Variants in TRPC6 observed in about 807,000 individuals in gnomAD.
TRPC6 encodes transient receptor potential cation channel subfamily C member 6.
Under a neutral mutation model 90.7 loss-of-function variants are expected in TRPC6, and 55 were observed. The ratio of observed to expected loss-of-function variants is 0.61; its 90% CI spans 0.49 to 0.76. The LOEUF is 0.76. TRPC6 is among the 30% of genes least tolerant of loss of function. The pLI, the probability that TRPC6 is intolerant of heterozygous loss-of-function variation, is 0.00. For synonymous variants in TRPC6, 393 were observed against 393.0 expected (o/e 1.00, Z 0.00); for missense variants, 989 against 1,122.7 (o/e 0.88, Z 1.70).
At chr11:101,543,521 G>C (rs1861224035) in intron 1 of TRPC6, among the ~76,000 whole-genome samples, 1 of 152,024 alleles carries the variant, frequency 6.6e-6, no homozygotes, top group Non-Finnish European at 1.5e-5. Context: ...TTTGGTACTG[G>C]TACCAAAACA....
intron 1 of TRPC6, among the ~76,000 whole-genome samples, chr11:101,511,746 C>T (rs1860398308): frequency 1.3e-5 from 2 of 152,178 alleles, no homozygotes; most frequent in African/African-American, 2.4e-5. Flanking sequence ...AATCCCAGCA[C>T]TCTGGGAGGC....
At chr11:101,461,928 C>A (rs1055016502) in intron 10 of TRPC6, among the ~76,000 whole-genome samples, 1 of 152,110 alleles carries the variant, frequency 6.6e-6, no homozygotes, top group African/African-American at 2.4e-5. Context: ...TACTTCCTAC[C>A]ATGTTCCTTG....
At chr11:101,494,457 C>T (rs956730551) in intron 2 of TRPC6, among the ~76,000 whole-genome samples, 2 of 152,030 alleles carry the variant, frequency 1.3e-5, no homozygotes, top group Non-Finnish European at 2.9e-5. Flanking sequence ...TTTATATCAT[C>T]AAAGAGAAGA....
chr11:101,553,967 T>C (rs1042622435), intron 1 of TRPC6, among the ~76,000 whole-genome samples: 1 of 152,140 alleles, frequency 6.6e-6, no homozygotes, highest in South Asian at 2.1e-4. Context: ...AAAATGTTTA[T>C]GTGAACACAT....
chr11:101,512,139 T>TA (rs1455746028), intron 1 of TRPC6, among the ~76,000 whole-genome samples: 2 of 152,186 alleles, frequency 1.3e-5, no homozygotes, highest in African/African-American at 4.8e-5. Flanking sequence ...GATAGTCTTC[T>TA]AGATAGCAAT....
rs910595035 is a variant in TRPC6, at chr11:101,478,612, A to G, written c.1511-2078T>C. 9.9e-5 allele frequency among the ~76,000 whole-genome samples: 15 copies of G among 152,190 alleles called. No individual in the cohort carries two copies. In the East Asian group the frequency reaches 2.3e-3, roughly 24 times the overall value. ...TGCTTGAAGGAAAAGTTCGTGTCTC[A>G]TTTGTCCTGAGGACCCCTGAGAGCT... On this transcript the variant is annotated intron_variant, in intron 5 of 12. Coordinates refer to ENST00000344327, the MANE Select transcript of TRPC6 (RefSeq NM_004621.6).
Position 101,504,132 on chromosome 11 carries a change from G to A in TRPC6, c.837C>T (p.Gly279=), listed in dbSNP as rs147530677. The A allele has an allele frequency of 6.8e-5, 110 of 1,613,908 alleles. 1 individual carries two copies. In the African/African-American group the frequency reaches 1.3e-3, roughly 20 times the overall value. The change falls in exon 2 of 13, where the codon GGC becomes GGT. Residue 279 remains glycine, a synonymous_variant. Transcript: ENST00000344327. The part of the protein sequence containing the change: ...HSRSRINAYK[G]LASPAYLSLS... ...ATGACAGGTAAGCCGGACTTGCCAG[G>A]CCTTTATAGGCATTAATCCTAGATC... is the stretch of plus-strand genomic sequence containing the variant.
rs560824831 is a variant in TRPC6, at chr11:101,521,301, G to T, written c.171-16503C>A. The stretch of plus-strand genomic sequence containing the variant: ...TCCAGCTCCAGCTGCGGCTGAAAGG[G>T]TCCCAGATATGTCTTAGGATGCTGC... On this transcript the variant is annotated intron_variant, in intron 1 of 12. Coordinates refer to ENST00000344327, the MANE Select transcript of TRPC6 (RefSeq NM_004621.6). 1.1e-3 allele frequency among the ~76,000 whole-genome samples: 174 copies of T among 152,272 alleles called. 2 individuals carry two copies. The highest frequency in any genetic ancestry group is 7.6e-4 in the Non-Finnish European group (52 of 68,026).
chr11:101,568,933 C>T (rs142853588), intron 1 of TRPC6, among the ~76,000 whole-genome samples: 64 of 152,202 alleles, frequency 4.2e-4, no homozygotes, highest in African/African-American at 1.4e-3. Flanking sequence ...AGGCCATCAA[C>T]GCTAAGAAGA....
At chr11:101,487,643 A>AT (rs397688733) in intron 4 of TRPC6, among the ~76,000 whole-genome samples, 1 of 151,940 alleles carries the variant, frequency 6.6e-6, no homozygotes, top group Non-Finnish European at 1.5e-5. Context: ...AGGGAAAAAA[A>AT]GTCAATTTTC....
chr11:101,571,287 A>G (rs1861958319), intron 1 of TRPC6, among the ~76,000 whole-genome samples: 2 of 152,208 alleles, frequency 1.3e-5, no homozygotes, highest in South Asian at 2.1e-4. Flanking sequence ...CAAAAAGAAT[A>G]AAATACCTAG....
intron 1 of TRPC6, among the ~76,000 whole-genome samples, chr11:101,554,556 A>T (rs532868095): frequency 1.3e-5 from 2 of 152,254 alleles, no homozygotes; most frequent in East Asian, 3.9e-4. Flanking sequence ...AGTGTGAGAC[A>T]CTGACCTCTA....
At chr11:101,490,241 G>C (rs937613703) in intron 3 of TRPC6, among the ~76,000 whole-genome samples, 2 of 152,024 alleles carry the variant, frequency 1.3e-5, no homozygotes, top group Non-Finnish European at 2.9e-5. Context: ...AAGTAACAAT[G>C]CAACCTTTAA....
At chr11:101,513,134 G>C (rs1470451994) in intron 1 of TRPC6, among the ~76,000 whole-genome samples, 1 of 152,186 alleles carries the variant, frequency 6.6e-6, no homozygotes, top group Admixed American at 6.5e-5. Context: ...GACCTTTTAT[G>C]AAGGGTGACA....
At chr11:101,493,234 AC>A (rs1453288711) in intron 2 of TRPC6, among the ~76,000 whole-genome samples, 2 of 152,156 alleles carry the variant, frequency 1.3e-5, no homozygotes, top group African/African-American at 4.8e-5. Flanking sequence ...ATACACTAAC[AC>A]TAATGATAGC....
intron 1 of TRPC6, among the ~76,000 whole-genome samples, chr11:101,513,761 T>C (rs1011502919): frequency 2.0e-5 from 3 of 152,204 alleles, no homozygotes; most frequent in African/African-American, 7.2e-5. Flanking sequence ...AAATTCTAAG[T>C]TGATGTTCAT....
intron 1 of TRPC6, among the ~76,000 whole-genome samples, chr11:101,546,958 C>A (rs1374231272): frequency 6.6e-6 from 1 of 152,010 alleles, no homozygotes; most frequent in Non-Finnish European, 1.5e-5. Context: ...ATAAAAAATA[C>A]AAATGACATC....
intron 6 of TRPC6, among the ~76,000 whole-genome samples, chr11:101,474,362 A>G (rs1459743928): frequency 6.6e-6 from 1 of 152,202 alleles, no homozygotes; most frequent in Non-Finnish European, 1.5e-5. Flanking sequence ...AAATGAAGCA[A>G]TTATTCACTT....
chr11:101,567,251 G>C (rs936962484), intron 1 of TRPC6, among the ~76,000 whole-genome samples: 3 of 152,094 alleles, frequency 2.0e-5, no homozygotes, highest in Non-Finnish European at 4.4e-5. Flanking sequence ...AAAGCCCTGG[G>C]GAAGTTCCAA....
Sources: gnomAD v4.1 joint callset for allele counts (sites outside exome capture counted in the v4.1 genomes callset) on GRCh38, gnomAD v4.1.1 for gene constraint, MANE v1.5 for transcripts, NCBI Gene and HGNC (gene_info 2026-07-23, HGNC 2026-07-21) for gene names.